The following FGGY variants were observed in gnomAD, a reference collection of about 807,000 sequenced individuals.
FGGY encodes FGGY carbohydrate kinase domain containing.
In FGGY, 72 loss-of-function variants were observed where a neutral mutation model predicts 71.3. The ratio of observed to expected loss-of-function variants is 1.01; its 90% confidence interval spans 0.84 to 1.23. FGGY has a LOEUF of 1.23. FGGY is among the 50% of genes most tolerant of loss of function. The pLI is 0.00. For synonymous variants in FGGY, 251 were observed against 250.3 expected (o/e 1.00, Z -0.02); for missense variants, 668 against 682.3 (o/e 0.98, Z 0.23).
intron 9 of FGGY, among the ~76,000 whole-genome samples, chr1:59,608,666 C>T (rs1045148468): frequency 6.6e-6 from 1 of 152,132 alleles, no homozygotes; most frequent in South Asian, 2.1e-4. Context: ...AACCTCATCT[C>T]TACTAAAAAT....
At chr1:59,426,060 T>C (rs2066312911) in intron 5 of FGGY, among the ~76,000 whole-genome samples, 2 of 152,188 alleles carry the variant, frequency 1.3e-5, no homozygotes, top group Admixed American at 1.3e-4. Context: ...AAATCAATTC[T>C]CTCTGTCCTG....
At chr1:59,627,481 TATATATATACACAC>T (rs1558598034) in intron 10 of FGGY, among the ~76,000 whole-genome samples, 3 of 127,142 alleles carry the variant, frequency 2.4e-5, no homozygotes, top group African/African-American at 1.2e-4. Context: ...TATATATATA[TATATATATACACAC>T]ACACACACAC....
At chr1:59,667,829 A>G (rs1184899785) in intron 13 of FGGY, among the ~76,000 whole-genome samples, 1 of 152,236 alleles carries the variant, frequency 6.6e-6, no homozygotes, top group Non-Finnish European at 1.5e-5. Flanking sequence ...TATTAAAGAT[A>G]GTATGGCAAA....
chr1:59,610,864 T>C (rs2096669587), intron 9 of FGGY, among the ~76,000 whole-genome samples: 1 of 152,258 alleles, frequency 6.6e-6, no homozygotes, highest in Admixed American at 6.5e-5. Flanking sequence ...CAGGAGATTA[T>C]ATCCTGCGCC....
chr1:59,680,757 G>T (rs540926236), intron 14 of FGGY: 1 of 152,108 alleles, frequency 6.6e-6, no homozygotes. Flanking sequence ...GTGGTTGGTA[G>T]CAGCAATCTT....
intron 9 of FGGY, among the ~76,000 whole-genome samples, chr1:59,624,405 G>T (rs140859620): frequency 6.4e-4 from 97 of 152,218 alleles, no homozygotes; most frequent in Non-Finnish European, 9.8e-4. Context: ...GTGCTATAAG[G>T]AATAAATGAA....
rs148160142 is a variant in FGGY at position 59,635,866 on chromosome 1, G to T, written c.1074-2362G>T. ...TTTAGGGCTTTGATAAATAATTTCTGACCTAAGATACAGAAAGTCCATGGC... is the reference window on the plus strand; with the variant it reads ...TTTAGGGCTTTGATAAATAATTTCTTACCTAAGATACAGAAAGTCCATGGC... On this transcript the variant is annotated intron_variant, in intron 10 of 15. Transcript: ENST00000303721. Among the ~76,000 whole-genome samples the T allele has an allele frequency of 9.2e-5, 14 of 152,182 alleles. No individual in the cohort carries two copies. In the East Asian group the frequency reaches 2.7e-3, roughly 29 times the overall value.
chr1:59,526,938 T>C (rs1558227070), intron 7 of FGGY, among the ~76,000 whole-genome samples: 1 of 152,154 alleles, frequency 6.6e-6, no homozygotes, highest in Non-Finnish European at 1.5e-5. Flanking sequence ...AGATGCCTTC[T>C]CCTGACACAT....
intron 8 of FGGY, among the ~76,000 whole-genome samples, chr1:59,566,683 A>G (rs2095877410): frequency 6.6e-6 from 1 of 152,162 alleles, no homozygotes; most frequent in Admixed American, 6.5e-5. Context: ...TGGGTTTGGG[A>G]TATATTGCAT....
At chr1:59,444,878 A>G (rs6687956) in intron 5 of FGGY, among the ~76,000 whole-genome samples, 119,312 of 152,094 alleles carry the variant, frequency 0.78, 47,676 homozygotes, top group African/African-American at 0.95. Context: ...CGCTGGTATA[A>G]AACAGAGTTT....
At chr1:59,436,857 G>C (rs1049689490) in intron 5 of FGGY, among the ~76,000 whole-genome samples, 1 of 152,120 alleles carries the variant, frequency 6.6e-6, no homozygotes, top group Non-Finnish European at 1.5e-5. Context: ...GTAGCTCTTC[G>C]GGGGTGATCT....
intron 14 of FGGY, among the ~76,000 whole-genome samples, chr1:59,718,567 C>T (rs2097861357): frequency 6.6e-6 from 1 of 152,186 alleles, no homozygotes; most frequent in Admixed American, 6.5e-5. Context: ...CCACTACCAC[C>T]AGTGGCATAG....
At chr1:59,598,257 C>T (rs755777427) in intron 8 of FGGY, among the ~76,000 whole-genome samples, 4 of 152,194 alleles carry the variant, frequency 2.6e-5, no homozygotes, top group Non-Finnish European at 5.9e-5. Flanking sequence ...CCAAGTGTGG[C>T]TTCTTGTCTA....
rs189982891 is a variant in FGGY at position 59,740,760 on chromosome 1, G to A, written c.1513-17171G>A. The stretch of plus-strand genomic sequence containing the variant: ...TTAATTCATTATCCATTCACTCTAT[G>A]TTTAGCTTCTTCAATACTATCTCCT... On this transcript the variant is annotated intron_variant, in intron 14 of 15. Transcript: ENST00000303721. Among the ~76,000 whole-genome samples the A allele has an allele frequency of 1.9e-3, 292 of 152,190 alleles. 2 individuals carry two copies. The highest frequency in any genetic ancestry group is 6.7e-3 in the African/African-American group (277 of 41,528).
chr1:59,422,055 A>T (rs2065530876), intron 5 of FGGY, among the ~76,000 whole-genome samples: 1 of 152,188 alleles, frequency 6.6e-6, no homozygotes, highest in Admixed American at 6.5e-5. Flanking sequence ...AAGAGATTAG[A>T]TCACTGGATC....
chr1:59,663,379 T>C (rs1332031402), intron 12 of FGGY, among the ~76,000 whole-genome samples: 3 of 152,194 alleles, frequency 2.0e-5, no homozygotes, highest in Non-Finnish European at 2.9e-5. Context: ...CTAAGAATCG[T>C]TTTTACTTAA....
chr1:59,530,869 T>G (rs1389099952), intron 7 of FGGY, among the ~76,000 whole-genome samples: 2 of 152,204 alleles, frequency 1.3e-5, no homozygotes, highest in African/African-American at 4.8e-5. Context: ...TTTTTATCCT[T>G]AAGGTACTAG....
intron 11 of FGGY, among the ~76,000 whole-genome samples, chr1:59,658,750 CAG>C (rs996322165): frequency 1.3e-5 from 2 of 152,180 alleles, no homozygotes; most frequent in Non-Finnish European, 1.5e-5. Context: ...CAATTAGAAA[CAG>C]TGAGATTTGC....
chr1:59,531,193 A>G (rs1194919919), intron 7 of FGGY, among the ~76,000 whole-genome samples: 1 of 152,194 alleles, frequency 6.6e-6, no homozygotes, highest in Non-Finnish European at 1.5e-5. Context: ...CTTACCAGTT[A>G]TGTAACTTCT....
Sources: gnomAD v4.1 joint callset for allele counts (sites outside exome capture counted in the v4.1 genomes callset) on GRCh38, gnomAD v4.1.1 for gene constraint, MANE v1.5 for transcripts, NCBI Gene and HGNC (gene_info 2026-07-23, HGNC 2026-07-21) for gene names.